SAAL1: variants seen among roughly 807,000 people sequenced by gnomAD.
SAAL1 encodes the protein serum amyloid A like 1.
In SAAL1, 42 loss-of-function variants were observed where a neutral mutation model predicts 59.8. That is an observed-to-expected ratio of 0.70 (90% confidence interval 0.55 to 0.91). The LOEUF (loss-of-function observed/expected upper bound fraction) is 0.91, where lower values mean the gene tolerates loss of function less well. Among genes scored for constraint, SAAL1 ranks in the 40% least tolerant of loss-of-function variants. SAAL1 has a pLI of 0.00. For missense variants in SAAL1, 542 were observed against 561.1 expected, an observed-to-expected ratio of 0.97 and a Z score of 0.34; for synonymous variants, 191 against 194.3, an observed-to-expected ratio of 0.98 and a Z score of 0.14.
chr11:18,101,074 T>C (rs534449462), intron 2 of SAAL1, among the ~76,000 whole-genome samples: 8 of 152,320 alleles, frequency 5.3e-5, no homozygotes, highest in African/African-American at 1.9e-4. Flanking sequence ...GAGCTATCAT[T>C]ACATACTTAT....
At chr11:18,099,839 T>C (rs1356887277) in intron 2 of SAAL1, among the ~76,000 whole-genome samples, 1 of 152,224 alleles carries the variant, frequency 6.6e-6, no homozygotes, top group African/African-American at 2.4e-5. Context: ...TCTGGAGGTC[T>C]CTGGTCCTCG....
chr11:18,103,948 A>G (rs1848662515), intron 1 of SAAL1, among the ~76,000 whole-genome samples: 1 of 152,204 alleles, frequency 6.6e-6, no homozygotes, highest in African/African-American at 2.4e-5. Context: ...TAAAGGTTGT[A>G]GTGATAATCA....
chr11:18,084,708 T>C (rs1848444508), intron 9 of SAAL1, among the ~76,000 whole-genome samples: 1 of 152,228 alleles, frequency 6.6e-6, no homozygotes, highest in Non-Finnish European at 1.5e-5. Context: ...TCCTTTTTTA[T>C]TAAAAACTCT....
At chr11:18,080,853 A>G (rs1848401944) in intron 11 of SAAL1, among the ~76,000 whole-genome samples, 1 of 152,216 alleles carries the variant, frequency 6.6e-6, no homozygotes, top group African/African-American at 2.4e-5. Flanking sequence ...ATTCCCAAGA[A>G]TCTGATTTTG....
At chr11:18,095,815 A>G (rs7131255) in intron 3 of SAAL1, among the ~76,000 whole-genome samples, 27,766 of 152,226 alleles carry the variant, frequency 0.18, 3,145 homozygotes, top group Non-Finnish European at 0.25. Flanking sequence ...ACTAACAGCA[A>G]TGACTACTGA....
chr11:18,083,357 A>G, intron 10 of SAAL1, 178 bp downstream of exon 10: 1 of 476,878 alleles, frequency 2.1e-6, no homozygotes, highest in Non-Finnish European at 3.7e-6. Context: ...TCACACGTAA[A>G]TATACCAAAC....
chr11:18,102,909 T>A (rs537605010), intron 2 of SAAL1, among the ~76,000 whole-genome samples: 1 of 152,316 alleles, frequency 6.6e-6, no homozygotes, highest in East Asian at 1.9e-4. Flanking sequence ...GTCTTCTAAC[T>A]CCTAACCTGC....
intron 1 of SAAL1, among the ~76,000 whole-genome samples, chr11:18,104,697 A>C (rs2134067752): frequency 6.6e-6 from 1 of 152,326 alleles, no homozygotes; most frequent in Non-Finnish European, 1.5e-5. Flanking sequence ...AAAGCACAAG[A>C]GTTCAGAGTT....
chr11:18,094,576 A>C (rs553524270), intron 3 of SAAL1, among the ~76,000 whole-genome samples: 1 of 152,220 alleles, frequency 6.6e-6, no homozygotes. Context: ...TAAAGAACAC[A>C]TAAGTTCACT....
Position 18,106,071 on chromosome 11 carries a change from G to A in SAAL1, c.-30C>T, listed in dbSNP as rs1313825357. On this transcript the variant is annotated 5_prime_UTR_variant, in exon 1 of 12. In the 5' UTR this introduces an upstream ATG that the reference lacks. Coordinates refer to ENST00000524803, the MANE Select transcript of SAAL1 (RefSeq NM_138421.3). ...TTGTCGCGTCCCGCGCTTGAAGGCC[G>A]TGCCGGAAGCTGCGGAGGAGACGAC... 3 of 1,580,886 alleles carry A rather than the reference G, an allele frequency of 1.9e-6. No individual in the cohort carries two copies. Among genetic ancestry groups the A allele is most frequent in the South Asian group, 1.1e-5 (1 of 87,564 alleles).
Position 18,080,573 on chromosome 11 carries a change from TC to T in SAAL1, c.1333-83del, listed in dbSNP as rs1203918525. Reference sequence around the variant, plus strand: ...GGTACTGATTGCTCTACCTGTGGTTTCTAAATGGTCCAATGGAAAAGAAATG... The same window carrying T: ...GGTACTGATTGCTCTACCTGTGGTTTTAAATGGTCCAATGGAAAAGAAATG... On this transcript the variant is annotated intron_variant, in intron 11 of 11. Coordinates refer to ENST00000524803, the MANE Select transcript of SAAL1 (RefSeq NM_138421.3). The T allele has an allele frequency of 3.7e-6, 3 of 816,020 alleles. No homozygotes were observed. In the East Asian group the frequency reaches 8.0e-5, roughly 22 times the overall value. 50.5% of individuals were successfully genotyped at this position (816,020 alleles called of 1,614,324 possible). A position where few individuals can be genotyped will look rare whatever the true frequency, so the allele number is the denominator to read the frequency against.
Position 18,087,040 on chromosome 11 carries a change from T to C in SAAL1, c.868A>G (p.Thr290Ala), listed in dbSNP as rs543394465. 4 of 1,613,624 alleles carry C rather than the reference T, an allele frequency of 2.5e-6. No homozygotes were observed. Among genetic ancestry groups the C allele is most frequent in the Admixed American group, 1.7e-5 (1 of 60,008 alleles). Residue 290 changes from threonine to alanine, a missense_variant, in exon 9 of 12, where the codon ACT becomes GCT. Physicochemically the swap from Thr to Ala is moderately conservative, Grantham distance 58. Coordinates refer to ENST00000524803, the MANE Select transcript of SAAL1 (RefSeq NM_138421.3). ...GIQAIVHCPDTGKDIWNLLFD... is the reference protein window; with the variant it reads ...GIQAIVHCPDAGKDIWNLLFD... Reference sequence around the variant, plus strand: ...AGTAAATTCCAAATGTCTTTTCCAGTGTCAGGACAATGTACTTAATAAAGA... The same window carrying C: ...AGTAAATTCCAAATGTCTTTTCCAGCGTCAGGACAATGTACTTAATAAAGA...
intron 9 of SAAL1, among the ~76,000 whole-genome samples, chr11:18,085,460 A>G (rs1323775929): frequency 1.3e-5 from 2 of 152,230 alleles, no homozygotes; most frequent in Non-Finnish European, 1.5e-5. Flanking sequence ...GAAACTAATA[A>G]GAAATATCCA....
At chr11:18,103,425 CA>C (rs1457058341) in intron 1 of SAAL1, 79 bp from the exon 2 acceptor site, 2 of 1,042,128 alleles carry the variant, frequency 1.9e-6, no homozygotes, top group Admixed American at 1.7e-5. Context: ...AGCAGGTGAT[CA>C]AATAACATTT....
intron 3 of SAAL1, among the ~76,000 whole-genome samples, chr11:18,094,973 G>C (rs1477467527): frequency 9.2e-5 from 14 of 152,092 alleles, no homozygotes; most frequent in Admixed American, 7.9e-4. Flanking sequence ...ACTCATCTAG[G>C]GTATGGCCTG....
At chr11:18,095,200 GGCA>G (rs1441398776) in intron 3 of SAAL1, among the ~76,000 whole-genome samples, 2 of 152,136 alleles carry the variant, frequency 1.3e-5, no homozygotes, top group African/African-American at 4.8e-5. Flanking sequence ...GAATCACTGT[GGCA>G]GCAGACGGTG....
chr11:18,098,605 G>A (rs574780487), intron 2 of SAAL1, among the ~76,000 whole-genome samples: 7 of 152,360 alleles, frequency 4.6e-5, no homozygotes, highest in Admixed American at 1.3e-4. Context: ...CAAAGAGACA[G>A]GCAATTATTC....
At chr11:18,081,663 A>G (rs560070633) in intron 10 of SAAL1, 160 bp from the exon 11 acceptor site, 5 of 607,134 alleles carry the variant, frequency 8.2e-6, no homozygotes, top group Non-Finnish European at 1.5e-5. Context: ...TGTAACCCAA[A>G]CATGTTCTCC....
At chr11:18,080,516 A>T (rs1438867818) in intron 11 of SAAL1, 25 bp from the exon 12 acceptor site, 2 of 1,489,442 alleles carry the variant, frequency 1.3e-6, no homozygotes, top group African/African-American at 2.8e-5. Flanking sequence ...AACAAACAAA[A>T]ATCAAACACA....
Sources: gnomAD v4.1 joint callset for allele counts (sites outside exome capture counted in the v4.1 genomes callset) on GRCh38, gnomAD v4.1.1 for gene constraint, MANE v1.5 for transcripts, NCBI Gene and HGNC (gene_info 2026-07-23, HGNC 2026-07-21) for gene names.